Variants in PTPRD observed in about 807,000 individuals in gnomAD.
The protein encoded by PTPRD is protein tyrosine phosphatase receptor type D, also known as receptor-type tyrosine-protein phosphatase delta.
PTPRD carries 34 observed loss-of-function variants against 214.5 expected under a neutral mutation model. That is an observed-to-expected ratio of 0.16 (90% CI 0.12 to 0.21). PTPRD has a LOEUF of 0.21. PTPRD is among the 10% of genes least tolerant of loss of function. The pLI is 1.00. For synonymous variants in PTPRD, 1,128 were observed against 845.7 expected (o/e 1.33, Z -5.79); for missense variants, 2,545 against 2,398.7 (o/e 1.06, Z -1.27).
At chr9:9,516,586 G>A (rs1323225129) in intron 8 of PTPRD, among the ~76,000 whole-genome samples, 7 of 151,556 alleles carry the variant, frequency 4.6e-5, no homozygotes, top group Non-Finnish European at 8.8e-5. Flanking sequence ...TTGCCAGGCT[G>A]GAGTGCAATG....
chr9:10,318,277 TG>T (rs1555142558), intron 3 of PTPRD, among the ~76,000 whole-genome samples: 1 of 152,028 alleles, frequency 6.6e-6, no homozygotes, highest in Non-Finnish European at 1.5e-5. Flanking sequence ...AGTCAGAAGA[TG>T]GGCATCAGCA....
chr9:10,144,485 T>C (rs953606160), intron 3 of PTPRD, among the ~76,000 whole-genome samples: 18 of 152,106 alleles, frequency 1.2e-4, no homozygotes, highest in Non-Finnish European at 2.1e-4. Flanking sequence ...GTAGGATGAA[T>C]ATAAAAGGCA....
At chr9:10,384,306 C>T (rs1315782860) in intron 2 of PTPRD, among the ~76,000 whole-genome samples, 1 of 151,572 alleles carries the variant, frequency 6.6e-6, no homozygotes, top group Non-Finnish European at 1.5e-5. Flanking sequence ...TATACACCTA[C>T]TAGGTACCCA....
intron 7 of PTPRD, among the ~76,000 whole-genome samples, chr9:9,581,722 C>T (rs2090833230): frequency 4.6e-5 from 7 of 152,002 alleles, no homozygotes; most frequent in Admixed American, 4.6e-4. Context: ...TTATTTCTTA[C>T]AAAAAAGATC....
At chr9:9,081,149 T>C (rs1363358413) in intron 10 of PTPRD, among the ~76,000 whole-genome samples, 2 of 152,162 alleles carry the variant, frequency 1.3e-5, no homozygotes, top group South Asian at 2.1e-4. Context: ...TAAATTTCCC[T>C]CTAAACACTG....
intron 9 of PTPRD, among the ~76,000 whole-genome samples, chr9:9,363,563 C>A (rs1032433934): frequency 6.6e-6 from 1 of 151,286 alleles, no homozygotes; most frequent in Non-Finnish European, 1.5e-5. Flanking sequence ...CTGAGATTGG[C>A]TCTCTGTTCA....
At chr9:8,725,020 G>A (rs962066348) in intron 12 of PTPRD, among the ~76,000 whole-genome samples, 1 of 152,124 alleles carries the variant, frequency 6.6e-6, no homozygotes, top group Non-Finnish European at 1.5e-5. Flanking sequence ...TTAGTTAACA[G>A]TACTGTGCAA....
chr9:9,981,778 C>A (rs892462396), intron 4 of PTPRD, among the ~76,000 whole-genome samples: 5 of 152,022 alleles, frequency 3.3e-5, no homozygotes, highest in Non-Finnish European at 5.9e-5. Context: ...CTTTTTGACT[C>A]GTATCATACT....
intron 5 of PTPRD, among the ~76,000 whole-genome samples, chr9:9,783,859 G>C (rs1182096582): frequency 6.9e-6 from 1 of 145,964 alleles, no homozygotes; most frequent in Non-Finnish European, 1.5e-5. Context: ...GTTTGCTCAA[G>C]AGTAAAATGA....
At chr9:9,315,150 T>C (rs1442840789) in intron 9 of PTPRD, among the ~76,000 whole-genome samples, 2 of 152,090 alleles carry the variant, frequency 1.3e-5, no homozygotes, top group Admixed American at 1.3e-4. Context: ...TCTTCTTCTT[T>C]GTAGCTCTTT....
chr9:10,552,330 A>C (rs1041842978), intron 2 of PTPRD, among the ~76,000 whole-genome samples: 5 of 152,200 alleles, frequency 3.3e-5, no homozygotes, highest in African/African-American at 1.2e-4. Flanking sequence ...TGAATGAGCT[A>C]TCACACCATG....
intron 7 of PTPRD, among the ~76,000 whole-genome samples, chr9:9,677,136 A>G (rs1229824281): frequency 6.6e-6 from 1 of 151,896 alleles, no homozygotes; most frequent in Admixed American, 6.6e-5. Context: ...GTTTAATTAG[A>G]TCCCATTTGT....
chr9:10,503,960 CA>C (rs779239731), intron 2 of PTPRD, among the ~76,000 whole-genome samples: 4 of 150,576 alleles, frequency 2.7e-5, no homozygotes, highest in Non-Finnish European at 5.9e-5. Context: ...ACTAAAAATA[CA>C]AAAAATTAGC....
intron 11 of PTPRD, among the ~76,000 whole-genome samples, chr9:8,987,257 G>A (rs186481904): frequency 6.6e-6 from 1 of 152,212 alleles, no homozygotes; most frequent in Admixed American, 6.6e-5. Flanking sequence ...AGGGTGAAAG[G>A]TATGTGTGAG....
chr9:9,906,608 A>G (rs1442644221), intron 5 of PTPRD, among the ~76,000 whole-genome samples: 1 of 152,024 alleles, frequency 6.6e-6, no homozygotes. Flanking sequence ...CTACACTTAA[A>G]TAATTCCAAA....
intron 10 of PTPRD, among the ~76,000 whole-genome samples, chr9:9,061,032 A>G (rs1214420020): frequency 6.6e-6 from 1 of 152,184 alleles, no homozygotes; most frequent in Non-Finnish European, 1.5e-5. Context: ...ATTTCTATAC[A>G]TTTCAAAAGC....
chr9:9,843,911 C>T (rs1018332708), intron 5 of PTPRD, among the ~76,000 whole-genome samples: 6 of 151,910 alleles, frequency 3.9e-5, no homozygotes, highest in African/African-American at 1.4e-4. Context: ...CAACATGGCT[C>T]AGTTTGTGGG....
At chr9:8,636,916 C>G (rs1439158812) in intron 12 of PTPRD, 72 bp from the exon 13 acceptor site, 6 of 1,483,948 alleles carry the variant, frequency 4.0e-6, no homozygotes, top group Non-Finnish European at 5.6e-6. Flanking sequence ...TACCGCTGCT[C>G]TCCCCACCAT....
intron 14 of PTPRD, among the ~76,000 whole-genome samples, chr9:8,577,514 C>T (rs1474287284): frequency 6.6e-6 from 1 of 152,108 alleles, no homozygotes; most frequent in Non-Finnish European, 1.5e-5. Context: ...CTTGGCCTCC[C>T]AAAGTGCTGG....
Sources: gnomAD v4.1 joint callset for allele counts (sites outside exome capture counted in the v4.1 genomes callset) on GRCh38, gnomAD v4.1.1 for gene constraint, MANE v1.5 for transcripts, NCBI Gene and HGNC (gene_info 2026-07-23, HGNC 2026-07-21) for gene names.